The following RALGAPA2 variants were observed in gnomAD, a reference collection of about 807,000 sequenced individuals.
RALGAPA2 encodes the protein Ral GTPase activating protein catalytic subunit alpha 2, also known as ral GTPase-activating protein subunit alpha-2.
RALGAPA2 carries 139 observed loss-of-function variants against 230.4 expected under a neutral mutation model. That is an observed-to-expected ratio of 0.60 (90% CI 0.53 to 0.69). The LOEUF (loss-of-function observed/expected upper bound fraction) is 0.69, where lower values mean the gene tolerates loss of function less well. Among genes scored for constraint, RALGAPA2 ranks in the 30% least tolerant of loss-of-function variants. The pLI is 0.00. For synonymous variants in RALGAPA2, 847 were observed against 837.8 expected, an observed-to-expected ratio of 1.01 and a Z score of -0.19; for missense variants, 2,163 against 2,276.0, an observed-to-expected ratio of 0.95 and a Z score of 1.01.
At chr20:20,497,681 C>T (rs1397417231) in intron 35 of RALGAPA2, among the ~76,000 whole-genome samples, 1 of 152,194 alleles carries the variant, frequency 6.6e-6, no homozygotes. Context: ...TTGGGTTACT[C>T]AATTACATAA....
At chr20:20,500,835 A>C (rs866893879) in intron 35 of RALGAPA2, among the ~76,000 whole-genome samples, 3 of 152,194 alleles carry the variant, frequency 2.0e-5, no homozygotes, top group South Asian at 4.1e-4. Context: ...AGTTGAAATT[A>C]CTCCTTGATC....
chr20:20,538,015 T>A (rs1003642012), intron 24 of RALGAPA2, among the ~76,000 whole-genome samples: 2 of 152,198 alleles, frequency 1.3e-5, no homozygotes, highest in Non-Finnish European at 2.9e-5. Flanking sequence ...GAGCCTACAG[T>A]TAAGCACTTG....
intron 37 of RALGAPA2, among the ~76,000 whole-genome samples, chr20:20,449,790 C>T (rs751962631): frequency 1.7e-4 from 26 of 152,170 alleles, no homozygotes; most frequent in Non-Finnish European, 3.2e-4. Context: ...TTGTCTGGAA[C>T]TTATTAGGTT....
intron 23 of RALGAPA2, among the ~76,000 whole-genome samples, chr20:20,559,869 A>T (rs1342850441): frequency 6.6e-6 from 1 of 152,230 alleles, no homozygotes. Flanking sequence ...TGTACTCTTC[A>T]AAAGGGCAAA....
At chr20:20,396,570 G>C in intron 39 of RALGAPA2, 125 bp downstream of exon 39, 1 of 849,470 alleles carries the variant, frequency 1.2e-6, no homozygotes, top group Non-Finnish European at 1.8e-6. Flanking sequence ...CCCCGGGGAG[G>C]GGAAGGCCCA....
chr20:20,650,742 G>C (rs1029736322), intron 4 of RALGAPA2, among the ~76,000 whole-genome samples: 1 of 152,036 alleles, frequency 6.6e-6, no homozygotes, highest in African/African-American at 2.4e-5. Flanking sequence ...TTTGATACCT[G>C]GTATTTCCCT....
intron 10 of RALGAPA2, among the ~76,000 whole-genome samples, chr20:20,625,951 A>G (rs576275834): frequency 1.8e-4 from 27 of 152,328 alleles, no homozygotes; most frequent in African/African-American, 6.3e-4. Context: ...TACCCAGTCC[A>G]AGGTGACCCA....
intron 7 of RALGAPA2, among the ~76,000 whole-genome samples, chr20:20,638,237 C>G (rs1420971588): frequency 6.6e-6 from 1 of 152,132 alleles, no homozygotes; most frequent in African/African-American, 2.4e-5. Flanking sequence ...GAAACACAGC[C>G]CTTAGATAAG....
chr20:20,454,750 G>C (rs1295045288), intron 37 of RALGAPA2, among the ~76,000 whole-genome samples: 1 of 152,220 alleles, frequency 6.6e-6, no homozygotes, highest in Admixed American at 6.5e-5. Flanking sequence ...GCCATTCAAA[G>C]ACGGTAGTGA....
Position 20,639,891 on chromosome 20 carries a change from T to C in RALGAPA2, c.560A>G (p.Tyr187Cys), listed in dbSNP as rs753907413. ...TAGGAGTGGAGTGATTTCTTCTGGA[T>C]ATATCTTTACTGAAAGGACAGAAAA... ...PSPSVADVKI[Y>C]PEEITPLLPA... The change falls in exon 7 of 40, where the codon TAT (tyrosine) becomes TGT (cysteine). Residue 187 changes from tyrosine to cysteine, a missense_variant. Physicochemically the swap from Tyr to Cys is radical, Grantham distance 194. Coordinates refer to ENST00000202677, the MANE Select transcript of RALGAPA2 (RefSeq NM_020343.4). 1 of 1,609,196 alleles carries C rather than the reference T, an allele frequency of 6.2e-7. No homozygotes were observed. Among genetic ancestry groups the C allele is most frequent in the Non-Finnish European group, 8.5e-7 (1 of 1,175,606 alleles).
chr20:20,433,701 A>G (rs1339876836), intron 37 of RALGAPA2, among the ~76,000 whole-genome samples: 1 of 152,180 alleles, frequency 6.6e-6, no homozygotes, highest in East Asian at 1.9e-4. Context: ...AAGACCTTTG[A>G]CCAAAGGACC....
intron 6 of RALGAPA2, 123 bp downstream of exon 6, chr20:20,640,578 A>G (rs1284948563): frequency 4.3e-6 from 4 of 931,718 alleles, no homozygotes; most frequent in Non-Finnish European, 6.4e-6. Context: ...AGTGAATATG[A>G]AAGGGGAATA....
chr20:20,623,950 T>C (rs2066404173), intron 10 of RALGAPA2, among the ~76,000 whole-genome samples: 2 of 152,152 alleles, frequency 1.3e-5, no homozygotes, highest in African/African-American at 4.8e-5. Flanking sequence ...TTTTTATGTC[T>C]AGAAAAGTTT....
At chr20:20,474,936 A>G (rs2061618896) in intron 36 of RALGAPA2, among the ~76,000 whole-genome samples, 1 of 152,188 alleles carries the variant, frequency 6.6e-6, no homozygotes, top group East Asian at 1.9e-4. Flanking sequence ...CTCAATGACT[A>G]TATCCTCTGG....
chr20:20,565,849 G>C (rs1034118848), intron 23 of RALGAPA2, among the ~76,000 whole-genome samples: 6 of 152,206 alleles, frequency 3.9e-5, no homozygotes, highest in African/African-American at 1.4e-4. Context: ...ACAGCACTTT[G>C]CAGAGCAGTT....
At chr20:20,499,410 TCA>T (rs1286354507) in intron 35 of RALGAPA2, among the ~76,000 whole-genome samples, 4 of 152,142 alleles carry the variant, frequency 2.6e-5, no homozygotes, top group Non-Finnish European at 4.4e-5. Flanking sequence ...AAAATAATTC[TCA>T]GTCATAAGAA....
chr20:20,667,849 C>T (rs2068008291), intron 3 of RALGAPA2, among the ~76,000 whole-genome samples: 1 of 152,154 alleles, frequency 6.6e-6, no homozygotes, highest in Admixed American at 6.5e-5. Context: ...TTAAAAAATG[C>T]ATGAAAACAG....
chr20:20,464,526 T>C (rs1205509344), intron 37 of RALGAPA2, among the ~76,000 whole-genome samples: 3 of 152,208 alleles, frequency 2.0e-5, no homozygotes. Context: ...GATGGTACAT[T>C]TCCCTCCCAC....
At chr20:20,588,356 CAAAG>C (rs1281253364) in intron 18 of RALGAPA2, among the ~76,000 whole-genome samples, 27 of 152,100 alleles carry the variant, frequency 1.8e-4, no homozygotes, top group Admixed American at 1.7e-3. Flanking sequence ...ACTGAGTAAA[CAAAG>C]CAACAATACT....
Sources: allele counts gnomAD v4.1 joint callset (sites outside exome capture counted in the v4.1 genomes callset), GRCh38; gene constraint gnomAD v4.1.1; transcripts MANE v1.5; gene names NCBI Gene and HGNC (gene_info 2026-07-23, HGNC 2026-07-21).